The following CACNA2D1 variants were observed in gnomAD, a reference collection of about 807,000 sequenced individuals.
CACNA2D1 encodes the protein calcium voltage-gated channel auxiliary subunit alpha2delta 1.
In CACNA2D1, 53 loss-of-function variants were observed where a neutral mutation model predicts 171.5. That is an observed-to-expected ratio of 0.31 (90% CI 0.25 to 0.39). The LOEUF is 0.39. CACNA2D1 is among the 10% of genes least tolerant of loss of function. The pLI is 1.00. For synonymous variants in CACNA2D1, 442 were observed against 443.1 expected (o/e 1.00, Z 0.03); for missense variants, 903 against 1,299.8 (o/e 0.69, Z 4.69).
intron 3 of CACNA2D1, among the ~76,000 whole-genome samples, chr7:82,326,073 C>T (rs967407764): frequency 6.6e-6 from 1 of 152,086 alleles, no homozygotes; most frequent in Non-Finnish European, 1.5e-5. Flanking sequence ...CCATCTTGCA[C>T]CCTAAGCTTC....
intron 3 of CACNA2D1, among the ~76,000 whole-genome samples, chr7:82,248,968 T>C (rs1335555499): frequency 6.6e-6 from 1 of 151,874 alleles, no homozygotes; most frequent in African/African-American, 2.4e-5. Context: ...ATACAAAAAA[T>C]TAGCTGGGCG....
At chr7:82,146,949 C>G (rs1793196888) in intron 4 of CACNA2D1, among the ~76,000 whole-genome samples, 1 of 130,080 alleles carries the variant, frequency 7.7e-6, no homozygotes, top group African/African-American at 3.0e-5. Flanking sequence ...AGCACCACTG[C>G]TCTCCAGCCT....
intron 32 of CACNA2D1, among the ~76,000 whole-genome samples, chr7:81,964,867 A>G (rs552924264): frequency 6.6e-6 from 1 of 152,112 alleles, no homozygotes; most frequent in South Asian, 2.1e-4. Context: ...TTGACGCAGT[A>G]ATCACTTAAC....
chr7:82,342,861 C>T (rs1818833425), intron 2 of CACNA2D1, among the ~76,000 whole-genome samples: 1 of 151,992 alleles, frequency 6.6e-6, no homozygotes, highest in Non-Finnish European at 1.5e-5. Flanking sequence ...TAAAAGGATC[C>T]TTCATATAAA....
intron 4 of CACNA2D1, among the ~76,000 whole-genome samples, chr7:82,164,621 C>T (rs1452688206): frequency 6.6e-6 from 1 of 151,818 alleles, no homozygotes; most frequent in African/African-American, 2.4e-5. Context: ...TTATGCAATA[C>T]AAAATTTAGG....
chr7:82,171,945 A>G (rs1225814120), intron 3 of CACNA2D1, among the ~76,000 whole-genome samples: 1 of 152,016 alleles, frequency 6.6e-6, no homozygotes, highest in Non-Finnish European at 1.5e-5. Context: ...ACATCCTTCT[A>G]GACCAGTTTT....
At chr7:82,212,540 T>C (rs1168226625) in intron 3 of CACNA2D1, among the ~76,000 whole-genome samples, 1 of 152,208 alleles carries the variant, frequency 6.6e-6, no homozygotes, top group East Asian at 1.9e-4. Context: ...TGCTATCTTT[T>C]ATTCAACATG....
intron 3 of CACNA2D1, among the ~76,000 whole-genome samples, chr7:82,203,301 C>T (rs1799665116): frequency 6.6e-6 from 1 of 152,122 alleles, no homozygotes; most frequent in South Asian, 2.1e-4. Flanking sequence ...CTATCGTGGA[C>T]TTGATGGACC....
chr7:82,078,420 C>T (rs1295523934), intron 7 of CACNA2D1, among the ~76,000 whole-genome samples: 1 of 152,066 alleles, frequency 6.6e-6, no homozygotes, highest in African/African-American at 2.4e-5. Flanking sequence ...CCAGTTTGTA[C>T]CTATGGTTTT....
chr7:82,297,317 A>G (rs1812424276), intron 3 of CACNA2D1, among the ~76,000 whole-genome samples: 1 of 152,100 alleles, frequency 6.6e-6, no homozygotes, highest in South Asian at 2.1e-4. Context: ...AACAATCTTG[A>G]TCATTGATCT....
chr7:81,972,151 C>A (rs535729440), intron 25 of CACNA2D1, among the ~76,000 whole-genome samples: 1 of 151,406 alleles, frequency 6.6e-6, no homozygotes, highest in Admixed American at 6.6e-5. Context: ...AGGAAATAGT[C>A]CTTCTTTTGT....
intron 1 of CACNA2D1, among the ~76,000 whole-genome samples, chr7:82,408,010 G>T (rs1023931627): frequency 6.6e-6 from 1 of 151,024 alleles, no homozygotes; most frequent in Admixed American, 6.6e-5. Context: ...TACACAACCC[G>T]GCTTGTACTT....
chr7:82,210,883 T>C (rs191776705), intron 3 of CACNA2D1, among the ~76,000 whole-genome samples: 1 of 152,320 alleles, frequency 6.6e-6, no homozygotes, highest in East Asian at 1.9e-4. Context: ...GTTTGTTTAA[T>C]GAATGGGTTA....
chr7:82,415,620 T>G (rs187832836), intron 1 of CACNA2D1, among the ~76,000 whole-genome samples: 2 of 152,180 alleles, frequency 1.3e-5, no homozygotes, highest in East Asian at 3.9e-4. Flanking sequence ...GTCAGGTAGG[T>G]TATGTATGAC....
chr7:82,003,103 A>G (rs1446082194), intron 18 of CACNA2D1, among the ~76,000 whole-genome samples: 1 of 152,136 alleles, frequency 6.6e-6, no homozygotes, highest in Non-Finnish European at 1.5e-5. Flanking sequence ...TCTTGTATCA[A>G]TCTGTATAGC....
At chr7:82,079,902 T>C (rs559904053) in intron 7 of CACNA2D1, among the ~76,000 whole-genome samples, 1 of 152,004 alleles carries the variant, frequency 6.6e-6, no homozygotes, top group South Asian at 2.1e-4. Context: ...ATAATAACTA[T>C]GTTAGGTGAG....
chr7:82,081,176 A>G (rs555543440), intron 7 of CACNA2D1, among the ~76,000 whole-genome samples: 2 of 152,330 alleles, frequency 1.3e-5, no homozygotes, highest in Admixed American at 6.5e-5. Flanking sequence ...TAAGATAATT[A>G]AAATACTAAA....
At chr7:81,976,232 C>A (rs1795822109) in intron 24 of CACNA2D1, among the ~76,000 whole-genome samples, 1 of 152,068 alleles carries the variant, frequency 6.6e-6, no homozygotes, top group South Asian at 2.1e-4. Flanking sequence ...GCTATATGGG[C>A]TCTTTTTTGG....
intron 3 of CACNA2D1, among the ~76,000 whole-genome samples, chr7:82,216,147 C>T (rs1415253957): frequency 6.6e-6 from 1 of 152,012 alleles, no homozygotes. Context: ...TGTAAATAGT[C>T]AACTCAATGG....
Sources: gnomAD v4.1 joint callset for allele counts (sites outside exome capture counted in the v4.1 genomes callset) on GRCh38, gnomAD v4.1.1 for gene constraint, MANE v1.5 for transcripts, NCBI Gene and HGNC (gene_info 2026-07-23, HGNC 2026-07-21) for gene names.